Variants in PKHD1 observed in about 807,000 individuals in gnomAD.
PKHD1 encodes PKHD1 ciliary IPT domain containing fibrocystin/polyductin, also known as fibrocystin.
PKHD1 carries 291 observed loss-of-function variants against 412.0 expected under a neutral mutation model. The ratio of observed to expected loss-of-function variants is 0.71; its 90% confidence interval spans 0.64 to 0.78. The LOEUF (loss-of-function observed/expected upper bound fraction) is 0.78, where lower values mean the gene tolerates loss of function less well. Among genes scored for constraint, PKHD1 ranks in the 30% least tolerant of loss-of-function variants. PKHD1 has a pLI of 0.00. For synonymous variants in PKHD1, 1,777 were observed against 1,821.5 expected (o/e 0.98, Z 0.62); for missense variants, 4,825 against 4,950.7 (o/e 0.97, Z 0.76).
intron 63 of PKHD1, among the ~76,000 whole-genome samples, chr6:51,646,020 C>T (rs1316328332): frequency 1.3e-5 from 2 of 152,290 alleles, no homozygotes; most frequent in African/African-American, 2.4e-5. Flanking sequence ...TAAATTTTCT[C>T]ATTGAAACTA....
intron 60 of PKHD1, among the ~76,000 whole-genome samples, chr6:51,676,708 A>C (rs922549604): frequency 6.6e-6 from 1 of 152,198 alleles, no homozygotes. Context: ...CCCTCAGGCT[A>C]TGAGGAGTGA....
chr6:51,791,914 A>G (rs1033337027), intron 52 of PKHD1, among the ~76,000 whole-genome samples: 1 of 152,202 alleles, frequency 6.6e-6, no homozygotes, highest in African/African-American at 2.4e-5. Context: ...AACTCATTTA[A>G]TTGAGTTAAT....
chr6:51,882,292 T>C (rs1302538067), intron 46 of PKHD1, among the ~76,000 whole-genome samples: 1 of 152,200 alleles, frequency 6.6e-6, no homozygotes, highest in Non-Finnish European at 1.5e-5. Context: ...CTGAAAAGTA[T>C]AGTTCAAAGG....
At chr6:51,927,006 T>G (rs1268063613) in intron 37 of PKHD1, among the ~76,000 whole-genome samples, 1 of 152,172 alleles carries the variant, frequency 6.6e-6, no homozygotes, top group African/African-American at 2.4e-5. Context: ...GTAATTACGA[T>G]CTGCCACAAC....
chr6:51,883,288 G>A (rs1583185467), intron 45 of PKHD1, 61 bp from the exon 46 acceptor site: 2 of 1,430,992 alleles, frequency 1.4e-6, no homozygotes, highest in South Asian at 1.2e-5. Flanking sequence ...CGGACTTCCT[G>A]TAGCTTTTAA....
rs531738824 is a variant in PKHD1, at chr6:51,748,018, G to A, written c.9598C>T (p.Leu3200Phe). The A allele has an allele frequency of 1.2e-6, 2 of 1,614,070 alleles. No homozygotes were observed. The highest frequency in any genetic ancestry group is 2.2e-5 in the East Asian group (1 of 44,870). ...QNSVKKVQIV[L>F]RNSVIVATSS... ...GTGGCCACAATGACTGAATTCCTAA[G>A]CACAATCTGCACTTTTTTGACGGAA... The change falls in exon 58 of 67, where the codon CTT becomes TTT. Residue 3200 changes from leucine to phenylalanine, a missense_variant. By Grantham distance (22) the Leu-to-Phe change is conservative. Transcript: ENST00000371117.
chr6:51,671,733 A>C (rs1775023103), intron 60 of PKHD1, among the ~76,000 whole-genome samples: 1 of 151,952 alleles, frequency 6.6e-6, no homozygotes, highest in South Asian at 2.1e-4. Flanking sequence ...TTTGGTGTGG[A>C]TGTCCTTTCT....
chr6:51,651,076 A>G (rs918752997), intron 61 of PKHD1, among the ~76,000 whole-genome samples: 6 of 152,150 alleles, frequency 3.9e-5, no homozygotes, highest in African/African-American at 7.2e-5. Flanking sequence ...AGATTCTCAC[A>G]TAAGTACATT....
chr6:51,824,666 C>G (rs202096811), intron 52 of PKHD1, among the ~76,000 whole-genome samples: 161 of 52,144 alleles, frequency 3.1e-3, no homozygotes, highest in Non-Finnish European at 1.0e-3. Context: ...CATTCACTTT[C>G]TAAAGAAGGT....
Position 52,026,173 on chromosome 6 carries a change from T to C in PKHD1, c.3637A>G (p.Ile1213Val), listed in dbSNP as rs749598401. ...AAGCCTATTCCTGAGATGCTGAGGA[T>C]GGTCCCTCCTAAAGTATGAATACGG... is the stretch of plus-strand genomic sequence containing the variant. ...PCCGSLLGGT[I>V]LSISGIGFSR... The change falls in exon 32 of 67, where the codon ATC becomes GTC. Residue 1213 changes from isoleucine to valine, a missense_variant. Coordinates refer to ENST00000371117, the MANE Select transcript of PKHD1 (RefSeq NM_138694.4). 1 of 1,613,934 alleles carries C rather than the reference T, an allele frequency of 6.2e-7. No individual in the cohort carries two copies. The highest frequency in any genetic ancestry group is 2.2e-5 in the East Asian group (1 of 44,886).
rs546145058 is a variant in PKHD1 at position 52,065,058 on chromosome 6, G to A, written c.881-8C>T. The A allele has an allele frequency of 8.0e-6, 12 of 1,507,474 alleles. No homozygotes were observed. In the Admixed American group the frequency reaches 8.6e-5, roughly 11 times the overall value. The allele number at this position is 1,507,474 out of a possible 1,614,324, so 93.4% of individuals were successfully genotyped here. ...TAATATCACATGGAATGCCTAAAGCGAATTAAAGAAATTTATGTATGTGTG... is the reference window on the plus strand; with the variant it reads ...TAATATCACATGGAATGCCTAAAGCAAATTAAAGAAATTTATGTATGTGTG... On this transcript the variant is annotated splice_region_variant and splice_polypyrimidine_tract_variant and intron_variant, in intron 12 of 66. Transcript: ENST00000371117.
intron 54 of PKHD1, 22 bp from the exon 55 acceptor site, chr6:51,772,811 G>C (rs756798387): frequency 3.0e-6 from 4 of 1,332,902 alleles, no homozygotes; most frequent in South Asian, 2.3e-5. Flanking sequence ...AGGAGTAACA[G>C]TTGGATAGAA....
At chr6:51,819,992 G>A (rs1372927881) in intron 52 of PKHD1, among the ~76,000 whole-genome samples, 1 of 152,158 alleles carries the variant, frequency 6.6e-6, no homozygotes, top group Non-Finnish European at 1.5e-5. Context: ...TAACGTACTT[G>A]CAGATAAAGA....
chr6:51,661,436 T>C (rs1490622505), intron 60 of PKHD1, among the ~76,000 whole-genome samples: 1 of 152,052 alleles, frequency 6.6e-6, no homozygotes, highest in African/African-American at 2.4e-5. Context: ...TATGAAGGCA[T>C]ATTAAAATTG....
Position 51,887,135 on chromosome 6 carries a change from G to A in PKHD1, c.7107C>T (p.Thr2369=), listed in dbSNP as rs780245178. 6.3e-7 allele frequency: 1 copy of A among 1,585,866 alleles called. No homozygotes were observed. Residue 2369 remains threonine (T), a splice_region_variant and synonymous_variant, in exon 44 of 67, where the codon ACC becomes ACT. Coordinates refer to ENST00000371117, the MANE Select transcript of PKHD1 (RefSeq NM_138694.4). ...SFTQNIAHSC[T]RYGLFVYPKF... is the part of the protein sequence containing the mutation. ...TAGATGAATTTCCCCAAAGTTACCTGGTACAAGAATGTGCAATGTTCTGAG... is the reference window on the plus strand; with the variant it reads ...TAGATGAATTTCCCCAAAGTTACCTAGTACAAGAATGTGCAATGTTCTGAG...
At chr6:51,873,996 C>T (rs1032039671) in intron 46 of PKHD1, among the ~76,000 whole-genome samples, 4 of 151,928 alleles carry the variant, frequency 2.6e-5, no homozygotes, top group Non-Finnish European at 4.4e-5. Flanking sequence ...GAGATTTCTC[C>T]CAGGGAGAGC....
intron 35 of PKHD1, among the ~76,000 whole-genome samples, chr6:51,991,496 A>T (rs1385599515): frequency 6.6e-6 from 1 of 152,248 alleles, no homozygotes; most frequent in Non-Finnish European, 1.5e-5. Flanking sequence ...ACTTAAAAAA[A>T]TAAAAGTAAA....
At chr6:51,837,322 C>T (rs1166749799) in intron 50 of PKHD1, among the ~76,000 whole-genome samples, 2 of 152,158 alleles carry the variant, frequency 1.3e-5, no homozygotes, top group Non-Finnish European at 2.9e-5. Flanking sequence ...GGGGACTCGG[C>T]CAAATTCACA....
In PKHD1 at chr6:51,657,834, C is replaced by T. The variant is rs947698455; in HGVS notation, c.11174+1118G>A. 1.2e-4 allele frequency among the ~76,000 whole-genome samples: 19 copies of T among 152,132 alleles called. 2 individuals are homozygous for T. The highest frequency in any genetic ancestry group is 3.4e-3 in the Middle Eastern group (1 of 294). ...GTTAAAAGCACAATATTAACTGAGTCGTCTTTTATATATAATATAAAATCA... is the reference window on the plus strand; with the variant it reads ...GTTAAAAGCACAATATTAACTGAGTTGTCTTTTATATATAATATAAAATCA... On this transcript the variant is annotated intron_variant, in intron 61 of 66. Transcript: ENST00000371117.
Sources: allele counts gnomAD v4.1 joint callset (sites outside exome capture counted in the v4.1 genomes callset), GRCh38; gene constraint gnomAD v4.1.1; transcripts MANE v1.5; gene names NCBI Gene and HGNC (gene_info 2026-07-23, HGNC 2026-07-21).